Variants in DIS3 observed in about 807,000 individuals in gnomAD.
DIS3 encodes exosome complex exonuclease RRP44.
A neutral mutation model predicts 113.0 loss-of-function variants in DIS3; 103 were observed. That is an observed-to-expected ratio of 0.91 (90% CI 0.78 to 1.07). The LOEUF (loss-of-function observed/expected upper bound fraction) is 1.07, where lower values mean the gene tolerates loss of function less well. Among genes scored for constraint, DIS3 ranks in the 50% least tolerant of loss-of-function variants. DIS3 has a pLI of 0.00. For synonymous variants in DIS3, 402 were observed against 394.3 expected (o/e 1.02, Z -0.23); for missense variants, 1,121 against 1,167.1 (o/e 0.96, Z 0.58).
chr13:72,763,452 C>G lies in DIS3; in HGVS notation c.2126G>C (p.Arg709Thr), dbSNP rs749927982. ...ATTTTTCAAACTGTAGGACCTTACC[C>G]TTGACCTGGCTGCCTTAACAAGAAT... ...YEILVKAARS[R>T]NLEIKTDTAK... The change falls in exon 16 of 21, where the codon AGG (arginine) becomes ACG (threonine). Residue 709 changes from arginine (R) to threonine (T), a missense_variant and splice_region_variant. Transcript: ENST00000377767. The G allele has an allele frequency of 6.2e-7, 1 of 1,612,470 alleles. No individual in the cohort carries two copies. The highest frequency in any genetic ancestry group is 1.7e-5 in the Admixed American group (1 of 59,746).
chr13:72,771,801 A>G lies in DIS3; in HGVS notation c.1599T>C (p.Cys533=), dbSNP rs1281484038. The change falls in exon 11 of 21, where the codon TGT becomes TGC. Residue 533 remains cysteine (C), a synonymous_variant. Transcript: ENST00000377767. Reference sequence around the variant, plus strand: ...TTAAATTCAATACATTTACCTTTTCACAAAGATACACAGTTGTTCCTCTTC... The same window carrying G: ...TTAAATTCAATACATTTACCTTTTCGCAAAGATACACAGTTGTTCCTCTTC... The part of the protein sequence containing the change: ...SARRGTTVYL[C]EKRIDMVPEL... 1 of 1,612,644 alleles carries G rather than the reference A, an allele frequency of 6.2e-7. No individual in the cohort carries two copies. The highest frequency in any genetic ancestry group is 8.5e-7 in the Non-Finnish European group (1 of 1,179,666).
Position 72,759,642 on chromosome 13 carries a change from C to T in DIS3, c.*153G>A. 5 of 603,178 alleles carry T rather than the reference C, an allele frequency of 8.3e-6. No individual in the cohort carries two copies. The highest frequency in any genetic ancestry group is 6.2e-5 in the South Asian group (3 of 48,282). 37.4% of individuals were successfully genotyped at this position (603,178 alleles called of 1,614,324 possible). ...GTATAGTAGTATGATGGGTCAGATACAGTCAACTGTTCAATAAAAATGCAG... is the reference window on the plus strand; with the variant it reads ...GTATAGTAGTATGATGGGTCAGATATAGTCAACTGTTCAATAAAAATGCAG... On this transcript the variant is annotated 3_prime_UTR_variant, in exon 21 of 21. Transcript: ENST00000377767.
At chr13:72,761,877 A>G in intron 17 of DIS3, 46 bp downstream of exon 17, 1 of 1,612,086 alleles carries the variant, frequency 6.2e-7, no homozygotes, top group Non-Finnish European at 8.5e-7. Flanking sequence ...TTAAAATTCA[A>G]AATTAACCAT....
At chr13:72,768,278 C>CT (rs1566243622) in intron 14 of DIS3, among the ~76,000 whole-genome samples, 1 of 152,134 alleles carries the variant, frequency 6.6e-6, no homozygotes, top group Non-Finnish European at 1.5e-5. Context: ...AACTCAAACA[C>CT]AATTTTTTAA....
At chr13:72,760,929 T>G (rs1298487530) in intron 19 of DIS3, among the ~76,000 whole-genome samples, 3 of 152,098 alleles carry the variant, frequency 2.0e-5, no homozygotes, top group African/African-American at 7.2e-5. Flanking sequence ...AAATTTTTAG[T>G]CTAGTAGAGG....
Position 72,752,524 on chromosome 13 carries a change from A to G in DIS3, c.*7271T>C, listed in dbSNP as rs2033304655. ...CTCCATATATATCCAGTTACATATT[A>G]GTATTGCATTATAAGCCAGCTATTT... On this transcript the variant is annotated 3_prime_UTR_variant, in exon 21 of 21. Transcript: ENST00000377767. 6.6e-6 allele frequency: 1 copy of G among 152,230 alleles called. No individual in the cohort carries two copies. Among genetic ancestry groups the G allele is most frequent in the Admixed American group, 6.5e-5 (1 of 15,278 alleles). 9.4% of individuals were successfully genotyped at this position (152,230 alleles called of 1,614,324 possible).
rs1354928400 is a variant in DIS3 at position 72,758,953 on chromosome 13, A to G, written c.*842T>C. 2 of 180,058 alleles carry G rather than the reference A, an allele frequency of 1.1e-5. No individual in the cohort carries two copies. The highest frequency in any genetic ancestry group is 4.7e-5 in the African/African-American group (2 of 42,388). 11.2% of individuals were successfully genotyped at this position (180,058 alleles called of 1,614,324 possible). A position where few individuals can be genotyped will look rare whatever the true frequency, so the allele number is the denominator to read the frequency against. ...GGAAGTAGTCAGTCTGGCACACCAA[A>G]TTTTATTAATAATACTTATTTTAAT... On this transcript the variant is annotated 3_prime_UTR_variant, in exon 21 of 21. Transcript: ENST00000377767.
At chr13:72,773,112 T>C (rs925416340) in intron 8 of DIS3, among the ~76,000 whole-genome samples, 2 of 152,228 alleles carry the variant, frequency 1.3e-5, no homozygotes, top group Admixed American at 6.5e-5. Context: ...TCAAAATTTG[T>C]TGATTAGAAT....
rs767717719 is a variant in DIS3 at position 72,780,962 on chromosome 13, C to T, written c.270G>A (p.Val90=). ...LEDPAIRNVI[V]LQTVLQEVRN... is the part of the protein sequence containing the mutation. ...TCACTTCTTGAAGAACTGTTTGTAG[C>T]ACAATTACATTCCTGATGGCAGGGT... Residue 90 remains valine, a synonymous_variant, in exon 2 of 21, where the codon GTG becomes GTA. Transcript: ENST00000377767. The T allele has an allele frequency of 6.2e-7, 1 of 1,612,830 alleles. No individual in the cohort carries two copies. The highest frequency in any genetic ancestry group is 1.3e-5 in the African/African-American group (1 of 74,744).
intron 10 of DIS3, 97 bp downstream of exon 10, chr13:72,772,062 A>G: frequency 8.0e-7 from 1 of 1,249,188 alleles, no homozygotes. Context: ...ATTATACTTC[A>G]CAAGAGTAAT....
chr13:72,777,966 G>C (rs2034060231), intron 3 of DIS3, among the ~76,000 whole-genome samples: 1 of 152,120 alleles, frequency 6.6e-6, no homozygotes, highest in African/African-American at 2.4e-5. Flanking sequence ...AGATTTCATT[G>C]CTAAACCAGT....
chr13:72,781,452 GC>G (rs1566256304), intron 1 of DIS3, 152 bp downstream of exon 1: 2 of 1,468,192 alleles, frequency 1.4e-6, no homozygotes, highest in Non-Finnish European at 1.8e-6. Flanking sequence ...AAGAACCTCG[GC>G]CTGGGGAACA....
chr13:72,778,145 C>T (rs772387396), intron 3 of DIS3, 42 bp downstream of exon 3: 3 of 1,487,402 alleles, frequency 2.0e-6, no homozygotes, highest in African/African-American at 2.7e-5. Context: ...TTTTTACACG[C>T]ATTTGCAAAC....
At chr13:72,775,480 G>A (rs1475088254) in intron 5 of DIS3, 105 bp from the exon 6 acceptor site, 1 of 1,247,980 alleles carries the variant, frequency 8.0e-7, no homozygotes, top group Admixed American at 3.3e-5. Context: ...ATATCTCTAT[G>A]GAATCTCTAT....
Position 72,754,015 on chromosome 13 carries a change from A to C in DIS3, c.*5780T>G. ...ATACACAAGTATCTTACATACTACA[A>C]AGTGTGCAAAGGTAGCGTGTATTTG... On this transcript the variant is annotated 3_prime_UTR_variant, in exon 21 of 21. Transcript: ENST00000377767. 1 of 536,892 alleles carries C rather than the reference A, an allele frequency of 1.9e-6. No homozygotes were observed. The highest frequency in any genetic ancestry group is 3.2e-6 in the Non-Finnish European group (1 of 312,770). The allele number at this position is 536,892 out of a possible 1,614,324, so 33.3% of individuals were successfully genotyped here.
At chr13:72,774,129 C>T (rs2033952926) in intron 6 of DIS3, 70 bp from the exon 7 acceptor site, 2 of 979,202 alleles carry the variant, frequency 2.0e-6, no homozygotes, top group Non-Finnish European at 1.5e-6. Context: ...CTTTCAAAAT[C>T]AAAATGCATA....
At chr13:72,773,307 T>C (rs1332864679) in intron 8 of DIS3, among the ~76,000 whole-genome samples, 1 of 152,028 alleles carries the variant, frequency 6.6e-6, no homozygotes, top group Non-Finnish European at 1.5e-5. Context: ...CTATGTCTAC[T>C]AAAAATTAGC....
Position 72,753,571 on chromosome 13 carries a change from C to T in DIS3, c.*6224G>A. 4 of 1,042,478 alleles carry T rather than the reference C, an allele frequency of 3.8e-6. No individual in the cohort carries two copies. The highest frequency in any genetic ancestry group is 5.5e-6 in the Non-Finnish European group (4 of 723,620). 64.6% of individuals were successfully genotyped at this position (1,042,478 alleles called of 1,614,324 possible). A position where few individuals can be genotyped will look rare whatever the true frequency, so the allele number is the denominator to read the frequency against. On this transcript the variant is annotated 3_prime_UTR_variant, in exon 21 of 21. Coordinates refer to ENST00000377767, the MANE Select transcript of DIS3 (RefSeq NM_014953.5). ...ACTTTTGAATTTTGTTCAACATGATCAATATTACATGTTAGGATCATTCAG... is the reference window on the plus strand; with the variant it reads ...ACTTTTGAATTTTGTTCAACATGATTAATATTACATGTTAGGATCATTCAG...
At position 72,773,836 on chromosome 13, in the gene DIS3, G is replaced by A. The variant is rs2033943939; in HGVS notation, c.1102-15C>T. 4.4e-6 allele frequency: 7 copies of A among 1,600,502 alleles called. No individual in the cohort carries two copies. The East Asian group carries it at 1.6e-4, about 36-fold the overall frequency. ...TGTCTTCTTGACTAGCAAAAATTAG[G>A]AATAAAGATTTTACACAAAAAAAAT... On this transcript the variant is annotated splice_polypyrimidine_tract_variant and intron_variant, in intron 7 of 20. Coordinates refer to ENST00000377767, the MANE Select transcript of DIS3 (RefSeq NM_014953.5).
Sources: allele counts gnomAD v4.1 joint callset (sites outside exome capture counted in the v4.1 genomes callset), GRCh38; gene constraint gnomAD v4.1.1; transcripts MANE v1.5; gene names NCBI Gene and HGNC (gene_info 2026-07-23, HGNC 2026-07-21).